The following ACACB variants were observed in gnomAD, a reference collection of about 807,000 sequenced individuals.
The protein encoded by ACACB is acetyl-CoA carboxylase 2.
A neutral mutation model predicts 278.8 loss-of-function variants in ACACB; 209 were observed. The observed-to-expected ratio is 0.75, with a 90% CI of 0.67 to 0.84. The LOEUF (loss-of-function observed/expected upper bound fraction) is 0.84, where lower values mean the gene tolerates loss of function less well. Among genes scored for constraint, ACACB ranks in the 40% least tolerant of loss-of-function variants. The pLI is 0.00. For synonymous variants in ACACB, 1,174 were observed against 1,285.6 expected (o/e 0.91, Z 1.86); for missense variants, 2,850 against 3,269.0 (o/e 0.87, Z 3.13).
chr12:109,223,229 C>T (rs980205410), intron 26 of ACACB, among the ~76,000 whole-genome samples: 5 of 152,282 alleles, frequency 3.3e-5, no homozygotes, highest in Non-Finnish European at 7.4e-5. Flanking sequence ...GGCTGAGTCG[C>T]GGCCTCATCT....
rs548144590 is a variant in ACACB at position 109,260,063 on chromosome 12, A to AT, written c.6497-417_6497-416insT. 17 of 1,356,658 alleles carry AT rather than the reference A, an allele frequency of 1.3e-5. No homozygotes were observed. In the South Asian group the frequency reaches 1.8e-4, roughly 15 times the overall value. The allele number at this position is 1,356,658 out of a possible 1,614,324, so 84.0% of individuals were successfully genotyped here. ...TATTATTGCATTCTTGTTTTCATGTAGGGTGCCTGGGGACCTGGAGAGATG... is the reference window on the plus strand; with the variant it reads ...TATTATTGCATTCTTGTTTTCATGTATGGGTGCCTGGGGACCTGGAGAGATG... On this transcript the variant is annotated intron_variant, in intron 47 of 52. Transcript: ENST00000338432.
At chr12:109,134,398 C>T (rs577194266) in intron 1 of ACACB, among the ~76,000 whole-genome samples, 6 of 152,250 alleles carry the variant, frequency 3.9e-5, no homozygotes, top group African/African-American at 9.6e-5. Flanking sequence ...GTTTAGAGGG[C>T]CCCGTATGCC....
At chr12:109,189,135 A>G (rs1593505813) in intron 13 of ACACB, among the ~76,000 whole-genome samples, 1 of 152,346 alleles carries the variant, frequency 6.6e-6, no homozygotes, top group Middle Eastern at 3.4e-3. Flanking sequence ...GTGGAAAGGT[A>G]TAAAACTAGT....
chr12:109,141,747 C>T (rs2043130614), intron 2 of ACACB, among the ~76,000 whole-genome samples: 1 of 152,226 alleles, frequency 6.6e-6, no homozygotes, highest in Admixed American at 6.5e-5. Flanking sequence ...ATTCCATATA[C>T]TGAAACTTTT....
intron 11 of ACACB, among the ~76,000 whole-genome samples, chr12:109,184,116 G>A (rs1254861295): frequency 6.6e-6 from 1 of 151,094 alleles, no homozygotes; most frequent in Non-Finnish European, 1.5e-5. Flanking sequence ...GCAGTGGTGC[G>A]ATCTTGGCTC....
At chr12:109,195,571 T>C (rs1046220219) in intron 16 of ACACB, among the ~76,000 whole-genome samples, 9 of 152,242 alleles carry the variant, frequency 5.9e-5, no homozygotes, top group Non-Finnish European at 1.0e-4. Flanking sequence ...CATCATGTGC[T>C]AATGCCTAGA....
intron 11 of ACACB, among the ~76,000 whole-genome samples, chr12:109,181,840 C>CTTTTTTTTTTTTT (rs34174568): frequency 4.9e-5 from 4 of 81,578 alleles, no homozygotes; most frequent in Non-Finnish European, 6.4e-5. Context: ...TTTTCCTTTC[C>CTTTTTTTTTTTTT]TTTTTTTTTT....
chr12:109,234,839 C>T (rs1309953733), intron 31 of ACACB, among the ~76,000 whole-genome samples: 2 of 150,372 alleles, frequency 1.3e-5, no homozygotes, highest in Admixed American at 6.6e-5. Context: ...GAGGACAGGT[C>T]GGTAGGTGCA....
intron 5 of ACACB, among the ~76,000 whole-genome samples, 157 bp downstream of exon 5, chr12:109,172,071 G>A (rs1311144630): frequency 6.6e-6 from 1 of 152,150 alleles, no homozygotes; most frequent in Non-Finnish European, 1.5e-5. Flanking sequence ...GTTCAAGTGA[G>A]GCGAAGCACA....
chr12:109,236,874 G>A (rs1379962994), intron 33 of ACACB, among the ~76,000 whole-genome samples: 1 of 151,894 alleles, frequency 6.6e-6, no homozygotes, highest in African/African-American at 2.4e-5. Flanking sequence ...GAACAGCCTG[G>A]TCACGCTGGC....
chr12:109,196,613 G>A (rs1241385560), intron 16 of ACACB, among the ~76,000 whole-genome samples: 1 of 152,180 alleles, frequency 6.6e-6, no homozygotes, highest in Non-Finnish European at 1.5e-5. Flanking sequence ...TTCAACTTAT[G>A]AATTTTGCGG....
rs1565856326 is a variant in ACACB, at chr12:109,139,702, C to T, written c.297C>T (p.Pro99=). The T allele has an allele frequency of 6.2e-7, 1 of 1,614,052 alleles. No individual in the cohort carries two copies. The highest frequency in any genetic ancestry group is 8.5e-7 in the Non-Finnish European group (1 of 1,179,970). Residue 99 remains proline, a synonymous_variant, in exon 2 of 53, where the codon CCC becomes CCT. Transcript: ENST00000338432. ...RNSLPPSHQK[P]PRNPLSSSDA... ...CCCTACCACCCTCCCACCAGAAGCC[C>T]CCAAGAAACCCCCTTTCTTCCAGTG...
At position 109,233,668 on chromosome 12, in the gene ACACB, C is replaced by T. The variant is rs1304229549; in HGVS notation, c.4140-80C>T. 6 of 1,251,416 alleles carry T rather than the reference C, an allele frequency of 4.8e-6. No individual in the cohort carries two copies. In the South Asian group the frequency reaches 7.7e-5, roughly 16 times the overall value. 77.5% of individuals were successfully genotyped at this position (1,251,416 alleles called of 1,614,324 possible). On this transcript the variant is annotated intron_variant, in intron 29 of 52. Transcript: ENST00000338432. ...GGAAATTGGGAGGGTCTGGCGTTCC[C>T]TGCTGCCTGGCTTGGAAGCTTGACC...
chr12:109,180,166 C>A, intron 11 of ACACB, 79 bp downstream of exon 11: 2 of 1,464,574 alleles, frequency 1.4e-6, no homozygotes, highest in South Asian at 1.2e-5. Context: ...TAGTCCATCC[C>A]GCCCATCTCT....
chr12:109,212,808 G>A (rs753295280), intron 21 of ACACB, 28 bp from the exon 22 acceptor site: 36 of 1,593,062 alleles, frequency 2.3e-5, no homozygotes, highest in Admixed American at 3.3e-5. Flanking sequence ...ATCATCAGCA[G>A]TCAGACCTGT....
intron 17 of ACACB, among the ~76,000 whole-genome samples, chr12:109,198,270 G>A (rs1212804958): frequency 2.0e-5 from 3 of 152,096 alleles, no homozygotes; most frequent in African/African-American, 7.2e-5. Flanking sequence ...ACTCTCCCCA[G>A]TTCAAAGGTT....
intron 31 of ACACB, 101 bp from the exon 32 acceptor site, chr12:109,235,212 G>A: frequency 1.0e-6 from 1 of 975,064 alleles, no homozygotes; most frequent in Non-Finnish European, 1.6e-6. Flanking sequence ...CTTCCACTTA[G>A]CATAATGTTT....
At chr12:109,240,947 T>C in intron 35 of ACACB, 131 bp from the exon 36 acceptor site, 1 of 785,372 alleles carries the variant, frequency 1.3e-6, no homozygotes, top group East Asian at 2.7e-5. Context: ...TAATACTTTT[T>C]GTTGGATACA....
Position 109,241,335 on chromosome 12 carries a change from G to A in ACACB, c.5022+54G>A, listed in dbSNP as rs2046794156. The A allele has an allele frequency of 5.8e-6, 9 of 1,541,006 alleles. No homozygotes were observed. The South Asian group carries it at 6.7e-5, about 12-fold the overall frequency. On this transcript the variant is annotated intron_variant, in intron 36 of 52. Transcript: ENST00000338432. ...AAGTCAAAGCAGAAGCAGGCTGCTT[G>A]GGCCATCAATTTGTAGATTAAGATG...
Sources: gnomAD v4.1 joint callset for allele counts (sites outside exome capture counted in the v4.1 genomes callset) on GRCh38, gnomAD v4.1.1 for gene constraint, MANE v1.5 for transcripts, NCBI Gene and HGNC (gene_info 2026-07-23, HGNC 2026-07-21) for gene names.